TTBK2: variants seen among roughly 807,000 people sequenced by gnomAD.
TTBK2 encodes tau tubulin kinase 2.
Under a neutral mutation model 110.8 loss-of-function variants are expected in TTBK2, and 28 were observed. The ratio of observed to expected loss-of-function variants is 0.25; its 90% CI spans 0.19 to 0.35. The LOEUF (loss-of-function observed/expected upper bound fraction) is 0.35, where lower values mean the gene tolerates loss of function less well. TTBK2 is among the 10% of genes least tolerant of loss of function. The pLI is 1.00. For synonymous variants in TTBK2, 532 were observed against 527.3 expected (o/e 1.01, Z -0.12); for missense variants, 1,369 against 1,500.3 (o/e 0.91, Z 1.45).
At chr15:42,825,271 CAAA>C (rs1157757226) in intron 6 of TTBK2, among the ~76,000 whole-genome samples, 1 of 152,012 alleles carries the variant, frequency 6.6e-6, no homozygotes, top group Admixed American at 6.6e-5. Flanking sequence ...TCCCTAACTC[CAAA>C]ACAAGTACCC....
intron 10 of TTBK2, among the ~76,000 whole-genome samples, chr15:42,787,935 C>A (rs141986613): frequency 6.6e-6 from 1 of 152,126 alleles, no homozygotes; most frequent in East Asian, 1.9e-4. Flanking sequence ...TAGCCTATTA[C>A]GTGCCTAGGC....
chr15:42,859,020 A>C (rs1157023605), intron 3 of TTBK2, among the ~76,000 whole-genome samples: 6 of 152,190 alleles, frequency 3.9e-5, no homozygotes, highest in Non-Finnish European at 8.8e-5. Context: ...CTTCCTAACA[A>C]GGTCTGCCCT....
intron 9 of TTBK2, among the ~76,000 whole-genome samples, chr15:42,798,886 G>A (rs1251298662): frequency 6.6e-6 from 1 of 152,164 alleles, no homozygotes; most frequent in African/African-American, 2.4e-5. Context: ...AGAACTTGAA[G>A]AAGGTAATGA....
At chr15:42,919,900 A>T (rs2031276991) in intron 1 of TTBK2, 1 of 761,932 alleles carries the variant, frequency 1.3e-6, no homozygotes, top group Non-Finnish European at 1.6e-6. Context: ...CCAGGGTGTC[A>T]ACATCATCTC....
intron 13 of TTBK2, among the ~76,000 whole-genome samples, chr15:42,758,874 G>A (rs1421680753): frequency 6.6e-6 from 1 of 152,222 alleles, no homozygotes; most frequent in Non-Finnish European, 1.5e-5. Context: ...CTGGAGCCTG[G>A]AGCCTAGTTT....
chr15:42,906,558 C>T (rs771356516), intron 1 of TTBK2, among the ~76,000 whole-genome samples: 5 of 152,066 alleles, frequency 3.3e-5, no homozygotes, highest in African/African-American at 7.2e-5. Flanking sequence ...GAATCTAAGA[C>T]CTGAAACTCT....
intron 6 of TTBK2, among the ~76,000 whole-genome samples, chr15:42,821,213 T>G (rs1354360617): frequency 6.6e-6 from 1 of 152,170 alleles, no homozygotes; most frequent in Non-Finnish European, 1.5e-5. Context: ...ATAAAGAAAT[T>G]CTGGAAGAAT....
At position 42,788,319 on chromosome 15, in the gene TTBK2, A is replaced by G. The variant is rs147797211; in HGVS notation, c.981-4684T>C. Among the ~76,000 whole-genome samples, 130 of 152,260 alleles carry G rather than the reference A, an allele frequency of 8.5e-4. 3 individuals are homozygous for G. In the East Asian group the frequency reaches 0.022, roughly 26 times the overall value. ...TTTGTTTGTGACCTAATACCTGATC[A>G]ATTTTTGTGAATGTTCCAGGGGCCC... On this transcript the variant is annotated intron_variant, in intron 10 of 14. Coordinates refer to ENST00000267890, the MANE Select transcript of TTBK2 (RefSeq NM_173500.4).
At chr15:42,880,600 C>T (rs1007321748) in intron 1 of TTBK2, among the ~76,000 whole-genome samples, 1 of 152,094 alleles carries the variant, frequency 6.6e-6, no homozygotes, top group Non-Finnish European at 1.5e-5. Flanking sequence ...CACTATGTTG[C>T]CCAGGCTGGT....
Position 42,869,851 on chromosome 15 carries a change from C to T in TTBK2, c.217+2760G>A, listed in dbSNP as rs117851758. Among the ~76,000 whole-genome samples the T allele has an allele frequency of 4.4e-4, 67 of 152,218 alleles. No individual in the cohort carries two copies. In the East Asian group the frequency reaches 0.012, roughly 27 times the overall value. On this transcript the variant is annotated intron_variant, in intron 3 of 14. Coordinates refer to ENST00000267890, the MANE Select transcript of TTBK2 (RefSeq NM_173500.4). ...TAATTTAGTTTATAAGTAGCTAAAA[C>T]ATTCAAATACATTTGTAAAAACCAA... is the stretch of plus-strand genomic sequence containing the variant.
intron 1 of TTBK2, among the ~76,000 whole-genome samples, chr15:42,887,531 T>C (rs1895291005): frequency 6.6e-6 from 1 of 152,202 alleles, no homozygotes; most frequent in African/African-American, 2.4e-5. Context: ...GCATGGCCTT[T>C]TAAAGCCTAT....
chr15:42,893,056 G>A (rs1400223443), intron 1 of TTBK2, among the ~76,000 whole-genome samples: 2 of 151,094 alleles, frequency 1.3e-5, no homozygotes, highest in African/African-American at 2.4e-5. Context: ...CAAAATGTTT[G>A]CCAATGCCTG....
intron 3 of TTBK2, among the ~76,000 whole-genome samples, chr15:42,841,571 T>C (rs958386332): frequency 1.3e-5 from 2 of 152,092 alleles, no homozygotes; most frequent in Non-Finnish European, 2.9e-5. Flanking sequence ...TGAAAACTAC[T>C]GCAGGGTAAT....
At position 42,777,100 on chromosome 15, in the gene TTBK2, T is replaced by G; in HGVS notation, c.1340A>C (p.His447Pro). 6.2e-7 allele frequency: 1 copy of G among 1,614,200 alleles called. No homozygotes were observed. Among genetic ancestry groups the G allele is most frequent in the African/African-American group, 1.3e-5 (1 of 75,046 alleles). ...CAGACGTTTTTCCAGCTCAAAGCTG[T>G]GAATGGAACGTAACTTTCGCACCAG... ...IPLVRKLRSIHSFELEKRLTL... is the reference protein window; with the variant it reads ...IPLVRKLRSIPSFELEKRLTL... The change falls in exon 12 of 15, where the codon CAC becomes CCC. Residue 447 changes from histidine (H) to proline (P), a missense_variant. Physicochemically the swap from His to Pro is moderately conservative, Grantham distance 77 (BLOSUM62 -2). Around this residue, in one of 4 missense-constraint regions of TTBK2, gnomAD observed 1,097 missense variants for 1,114.7 expected, o/e 0.98. Coordinates refer to ENST00000267890, the MANE Select transcript of TTBK2 (RefSeq NM_173500.4).
intron 9 of TTBK2, among the ~76,000 whole-genome samples, chr15:42,804,849 T>C (rs1891390048): frequency 6.6e-6 from 1 of 152,210 alleles, no homozygotes; most frequent in African/African-American, 2.4e-5. Flanking sequence ...GGACTCATAC[T>C]GGTGCAGCCT....
At chr15:42,763,442 G>C (rs1889201116) in intron 13 of TTBK2, among the ~76,000 whole-genome samples, 1 of 150,676 alleles carries the variant, frequency 6.6e-6, no homozygotes, top group Non-Finnish European at 1.5e-5. Flanking sequence ...TCCAACTCCT[G>C]ACCTCAGGTA....
chr15:42,845,792 T>C (rs1315739060), intron 3 of TTBK2, among the ~76,000 whole-genome samples: 8 of 151,944 alleles, frequency 5.3e-5, no homozygotes, highest in Non-Finnish European at 1.2e-4. Context: ...CATCATAGGG[T>C]GTGCTTACAA....
Position 42,896,254 on chromosome 15 carries a change from G to A in TTBK2, c.-67-17570C>T, listed in dbSNP as rs371883708. Among the ~76,000 whole-genome samples the A allele has an allele frequency of 1.3e-4, 20 of 151,960 alleles. 1 individual carries two copies. The highest frequency in any genetic ancestry group is 9.7e-4 in the East Asian group (5 of 5,180). ...GAGGCAGGAGAATTGCTTGAACCCG[G>A]GAGGCAGAGGTTGCAGTGAGCTGAG... On this transcript the variant is annotated intron_variant, in intron 1 of 14. Coordinates refer to ENST00000267890, the MANE Select transcript of TTBK2 (RefSeq NM_173500.4).
chr15:42,840,525 G>A (rs1173324633), intron 3 of TTBK2, 92 bp from the exon 4 acceptor site: 1 of 1,133,798 alleles, frequency 8.8e-7, no homozygotes, highest in Admixed American at 1.7e-5. Context: ...TTTTATGATT[G>A]AATATAAAAT....
Sources: gnomAD v4.1 joint callset for allele counts (sites outside exome capture counted in the v4.1 genomes callset) on GRCh38, gnomAD v4.1.1 for gene constraint, gnomAD v4.1.1 regional missense constraint, MANE v1.5 for transcripts, NCBI Gene and HGNC (gene_info 2026-07-23, HGNC 2026-07-21) for gene names.